The following WDR41 variants were observed in gnomAD, a reference collection of about 807,000 sequenced individuals.
WDR41 encodes the protein WD repeat-containing protein 41.
Under a neutral mutation model 69.3 loss-of-function variants are expected in WDR41, and 63 were observed. That is an observed-to-expected ratio of 0.91 (90% CI 0.74 to 1.12). The LOEUF is 1.12. Ranked by LOEUF, WDR41 falls within the 50% of genes most tolerant of loss-of-function variation. The pLI is 0.00. For missense variants in WDR41, 543 were observed against 534.5 expected (o/e 1.02, Z -0.16); for synonymous variants, 185 against 192.1 (o/e 0.96, Z 0.31).
At chr5:77,508,827 C>T (rs1038439497) in intron 1 of WDR41, among the ~76,000 whole-genome samples, 2 of 152,102 alleles carry the variant, frequency 1.3e-5, no homozygotes, top group African/African-American at 4.8e-5. Context: ...CTTCTGTACT[C>T]ATCACAGTGT....
At chr5:77,504,055 G>A (rs544430461) in intron 1 of WDR41, among the ~76,000 whole-genome samples, 55 of 145,560 alleles carry the variant, frequency 3.8e-4, no homozygotes, top group Admixed American at 1.5e-3. Flanking sequence ...ATAGAGACAC[G>A]AAAAACCCTT....
intron 1 of WDR41, among the ~76,000 whole-genome samples, chr5:77,602,511 T>C (rs186809630): frequency 1.3e-5 from 2 of 152,292 alleles, no homozygotes. Context: ...ATGATACTTG[T>C]CTTTCAGTAC....
At chr5:77,437,971 G>A (rs931663391) in intron 10 of WDR41, among the ~76,000 whole-genome samples, 4 of 152,146 alleles carry the variant, frequency 2.6e-5, no homozygotes, top group East Asian at 1.9e-4. Flanking sequence ...CCCCAAAGTC[G>A]TTTATGTTGT....
intron 1 of WDR41, among the ~76,000 whole-genome samples, chr5:77,535,331 G>A (rs1007096434): frequency 2.6e-5 from 4 of 152,074 alleles, no homozygotes; most frequent in African/African-American, 7.2e-5. Context: ...TTATGCAAAG[G>A]GTGGCCGTAT....
intron 1 of WDR41, among the ~76,000 whole-genome samples, chr5:77,579,004 A>T (rs1430167215): frequency 6.6e-6 from 1 of 152,072 alleles, no homozygotes; most frequent in South Asian, 2.1e-4. Context: ...ATAAAAGAAA[A>T]TTTTAAAATT....
chr5:77,608,367 C>T (rs1479190379), intron 1 of WDR41, among the ~76,000 whole-genome samples: 3 of 152,284 alleles, frequency 2.0e-5, no homozygotes, highest in Middle Eastern at 3.4e-3. Flanking sequence ...GAAAAGCAAA[C>T]ATTACATGCC....
At chr5:77,500,935 G>A (rs1004617016) in intron 1 of WDR41, among the ~76,000 whole-genome samples, 5 of 152,322 alleles carry the variant, frequency 3.3e-5, no homozygotes, top group Middle Eastern at 3.4e-3. Context: ...GAGCAGTTCC[G>A]GTCTGCAGCT....
chr5:77,438,402 C>G, intron 9 of WDR41, 41 bp from the exon 10 acceptor site: 2 of 1,609,332 alleles, frequency 1.2e-6, no homozygotes, highest in Non-Finnish European at 8.5e-7. Context: ...AACTAGCACT[C>G]ACCCTTCCTA....
intron 8 of WDR41, among the ~76,000 whole-genome samples, chr5:77,441,502 GC>G (rs1307085300): frequency 6.6e-6 from 1 of 152,144 alleles, no homozygotes; most frequent in Non-Finnish European, 1.5e-5. Context: ...ACTTTGGGAA[GC>G]CGAGGCAGGT....
chr5:77,602,323 A>G (rs1360800152), intron 1 of WDR41, among the ~76,000 whole-genome samples: 1 of 152,054 alleles, frequency 6.6e-6, no homozygotes, highest in Non-Finnish European at 1.5e-5. Flanking sequence ...TATTTTTGGT[A>G]GAGACGGGGT....
At chr5:77,525,344 G>C (rs1190103833) in intron 1 of WDR41, among the ~76,000 whole-genome samples, 2 of 151,880 alleles carry the variant, frequency 1.3e-5, no homozygotes, top group African/African-American at 2.4e-5. Context: ...TTAATATTTT[G>C]TATGCCCCTT....
At chr5:77,575,322 G>A (rs186052143) in intron 1 of WDR41, among the ~76,000 whole-genome samples, 1 of 152,230 alleles carries the variant, frequency 6.6e-6, no homozygotes, top group Admixed American at 6.5e-5. Context: ...ATAATTTAGA[G>A]GCCTATACAG....
At chr5:77,554,763 G>A (rs545912237) in intron 1 of WDR41, among the ~76,000 whole-genome samples, 1 of 145,450 alleles carries the variant, frequency 6.9e-6, no homozygotes, top group East Asian at 2.1e-4. Context: ...GATCCTTGTT[G>A]TGCTGGAACT....
intron 1 of WDR41, among the ~76,000 whole-genome samples, chr5:77,599,118 T>C (rs1389972184): frequency 6.9e-6 from 1 of 145,872 alleles, no homozygotes; most frequent in African/African-American, 2.5e-5. Context: ...AACTAAAACA[T>C]ACGTTTTTTT....
chr5:77,483,124 CTA>C (rs1801355567), intron 2 of WDR41, among the ~76,000 whole-genome samples: 1 of 152,044 alleles, frequency 6.6e-6, no homozygotes, highest in African/African-American at 2.4e-5. Flanking sequence ...TGCTAAGATG[CTA>C]TATAAGCTGA....
chr5:77,520,802 T>C (rs1802359057), intron 1 of WDR41, among the ~76,000 whole-genome samples: 1 of 152,180 alleles, frequency 6.6e-6, no homozygotes, highest in African/African-American at 2.4e-5. Context: ...TTATGCTAGG[T>C]ATTATTTAAC....
At chr5:77,559,964 G>A (rs1324991535) in intron 1 of WDR41, among the ~76,000 whole-genome samples, 1 of 152,114 alleles carries the variant, frequency 6.6e-6, no homozygotes, top group East Asian at 1.9e-4. Context: ...TATCTAGTCA[G>A]TGTGTGAGAC....
intron 2 of WDR41, among the ~76,000 whole-genome samples, chr5:77,477,091 T>C (rs1435549148): frequency 2.0e-5 from 3 of 148,490 alleles, no homozygotes; most frequent in East Asian, 2.0e-4. Flanking sequence ...CATTACATCA[T>C]GGTAAAGGGA....
At chr5:77,463,310 A>G (rs1800152137) in intron 3 of WDR41, 84 bp from the exon 4 acceptor site, 1 of 1,304,678 alleles carries the variant, frequency 7.7e-7, no homozygotes, top group African/African-American at 1.5e-5. Context: ...CAACTACCAT[A>G]TAGAAGATAC....
Sources: gnomAD v4.1 joint callset for allele counts (sites outside exome capture counted in the v4.1 genomes callset) on GRCh38, gnomAD v4.1.1 for gene constraint, MANE v1.5 for transcripts, NCBI Gene and HGNC (gene_info 2026-07-23, HGNC 2026-07-21) for gene names.